The following CDH12 variants were observed in gnomAD, a reference collection of about 807,000 sequenced individuals.
CDH12 encodes the protein cadherin-12.
In CDH12, 41 loss-of-function variants were observed where a neutral mutation model predicts 74.1. That is an observed-to-expected ratio of 0.55 (90% confidence interval 0.43 to 0.72). The LOEUF is 0.72. Ranked by LOEUF, CDH12 falls within the 30% of genes least tolerant of loss-of-function variation. The pLI is 0.00. For missense variants in CDH12, 945 were observed against 977.2 expected, an observed-to-expected ratio of 0.97 and a Z score of 0.44; for synonymous variants, 399 against 355.0, an observed-to-expected ratio of 1.12 and a Z score of -1.39.
Position 22,502,316 on chromosome 5 carries a change from G to GT in CDH12, c.-428+2953dup, listed in dbSNP as rs1487945439. Among the ~76,000 whole-genome samples the GT allele has an allele frequency of 2.6e-5, 4 of 152,140 alleles. No individual in the cohort carries two copies. In the East Asian group the frequency reaches 7.7e-4, roughly 29 times the overall value. ...AATATACTCTCTTGCCTGCTGCCATGTAAGATGTGCCTTTGCTCCTCCTTT... is the reference window on the plus strand; with the variant it reads ...AATATACTCTCTTGCCTGCTGCCATGTTAAGATGTGCCTTTGCTCCTCCTTT... On this transcript the variant is annotated intron_variant, in intron 2 of 14. Transcript: ENST00000382254.
intron 10 of CDH12, among the ~76,000 whole-genome samples, chr5:21,786,744 G>C (rs1382753422): frequency 6.6e-6 from 1 of 152,164 alleles, no homozygotes; most frequent in Non-Finnish European, 1.5e-5. Context: ...AAAGTAAATT[G>C]AAAACCTTAT....
rs115147543 is a variant in CDH12, at chr5:22,778,591, G to A, written c.-523+74467C>T. On this transcript the variant is annotated intron_variant, in intron 1 of 14. Transcript: ENST00000382254. Reference sequence around the variant, plus strand: ...ATATAATGTGTTTGGCATCAATAAAGCAAAACATATTCCTAAGTGACAGTA... The same window carrying A: ...ATATAATGTGTTTGGCATCAATAAAACAAAACATATTCCTAAGTGACAGTA... Among the ~76,000 whole-genome samples, 1,336 of 152,166 alleles carry A rather than the reference G, an allele frequency of 8.8e-3. 23 individuals are homozygous for A. Among genetic ancestry groups the A allele is most frequent in the African/African-American group, 0.031 (1,275 of 41,528 alleles).
chr5:22,028,284 T>G (rs1406139820), intron 5 of CDH12, among the ~76,000 whole-genome samples: 1 of 152,012 alleles, frequency 6.6e-6, no homozygotes, highest in African/African-American at 2.4e-5. Flanking sequence ...GAGAAGGAAA[T>G]AAAGGGTATT....
intron 10 of CDH12, among the ~76,000 whole-genome samples, chr5:21,799,007 T>G (rs558086956): frequency 9.9e-5 from 15 of 152,234 alleles, no homozygotes; most frequent in African/African-American, 2.9e-4. Context: ...GATATTCTGT[T>G]AAAGGTTCAG....
At chr5:21,811,072 C>T (rs1465529199) in intron 9 of CDH12, among the ~76,000 whole-genome samples, 5 of 151,986 alleles carry the variant, frequency 3.3e-5, no homozygotes, top group Admixed American at 6.6e-5. Context: ...TTATCTCATA[C>T]GTTTTTAAGG....
At chr5:22,745,588 TA>T (rs1217195503) in intron 1 of CDH12, among the ~76,000 whole-genome samples, 1 of 152,036 alleles carries the variant, frequency 6.6e-6, no homozygotes, top group African/African-American at 2.4e-5. Flanking sequence ...CATGCAGCCA[TA>T]AAAAAGAATG....
chr5:22,798,654 T>C (rs183745739), intron 1 of CDH12, among the ~76,000 whole-genome samples: 76 of 152,230 alleles, frequency 5.0e-4, no homozygotes, highest in Admixed American at 9.2e-4. Context: ...TATAATCTAA[T>C]GAAAGATATA....
chr5:21,751,857 G>C lies in CDH12; in HGVS notation c.2265C>G (p.Asp755Glu), dbSNP rs761207356. 6.2e-7 allele frequency: 1 copy of C among 1,614,054 alleles called. No individual in the cohort carries two copies. The highest frequency in any genetic ancestry group is 1.1e-5 in the South Asian group (1 of 91,076). ...GSVAESLSSI[D>E]SLTTEADQDY... ...CCTGGTCGGCTTCTGTGGTGAGAGA[G>C]TCTATAGAGCTGAGGGACTCTGCCA... is the stretch of plus-strand genomic sequence containing the variant. Residue 755 changes from aspartate to glutamate, a missense_variant, in exon 15 of 15, where the codon GAC (aspartate) becomes GAG (glutamate). Transcript: ENST00000382254.
rs11420428 is a variant in CDH12 at position 22,593,036 on chromosome 5, G to GAA, written c.-522-87674_-522-87673dup. 5.4e-3 allele frequency among the ~76,000 whole-genome samples: 592 copies of GAA among 110,460 alleles called. 7 individuals carry two copies. The highest frequency in any genetic ancestry group is 0.013 in the African/African-American group (399 of 29,590). 72.5% of individuals were successfully genotyped at this position (110,460 alleles called of 152,430 possible). A position where few individuals can be genotyped will look rare whatever the true frequency, so the allele number is the denominator to read the frequency against. ...CAGAGAGAGACTCCATCTCAAAAAA[G>GAA]AAAAAAAAAAAAAAAAGGAAAAGGA... On this transcript the variant is annotated intron_variant, in intron 1 of 14. Transcript: ENST00000382254.
chr5:22,388,327 C>A (rs925894755), intron 3 of CDH12, among the ~76,000 whole-genome samples: 4 of 151,758 alleles, frequency 2.6e-5, no homozygotes, highest in African/African-American at 9.7e-5. Context: ...AAATTAAATT[C>A]TATTAATGTA....
intron 1 of CDH12, among the ~76,000 whole-genome samples, chr5:22,781,878 T>C (rs1397764770): frequency 6.6e-6 from 1 of 152,160 alleles, no homozygotes; most frequent in Admixed American, 6.5e-5. Context: ...CCTCTTTCAA[T>C]AGTGTGTCCT....
At chr5:22,414,512 G>T (rs1029984273) in intron 2 of CDH12, among the ~76,000 whole-genome samples, 1 of 151,906 alleles carries the variant, frequency 6.6e-6, no homozygotes, top group Non-Finnish European at 1.5e-5. Flanking sequence ...CAAAAGCAAA[G>T]AGGTATTGGT....
intron 4 of CDH12, among the ~76,000 whole-genome samples, chr5:22,145,676 C>T (rs1336804139): frequency 6.6e-6 from 1 of 152,062 alleles, no homozygotes; most frequent in Non-Finnish European, 1.5e-5. Flanking sequence ...AACAAGAGAA[C>T]ATTCAGTTAA....
intron 4 of CDH12, among the ~76,000 whole-genome samples, chr5:22,198,934 A>AT (rs1331493988): frequency 3.3e-5 from 5 of 151,828 alleles, no homozygotes; most frequent in Admixed American, 2.6e-4. Flanking sequence ...AATTCGGCCT[A>AT]TTTTTTGTAC....
At chr5:22,269,600 T>C (rs549637326) in intron 3 of CDH12, among the ~76,000 whole-genome samples, 2 of 152,164 alleles carry the variant, frequency 1.3e-5, no homozygotes, top group South Asian at 2.1e-4. Flanking sequence ...ATGAACAACA[T>C]AATGGAAGCA....
rs554400322 is a variant in CDH12 at position 22,766,354 on chromosome 5, A to G, written c.-523+86704T>C. Among the ~76,000 whole-genome samples, 290 of 152,234 alleles carry G rather than the reference A, an allele frequency of 1.9e-3. 1 individual carries two copies. Among genetic ancestry groups the G allele is most frequent in the African/African-American group, 6.5e-3 (269 of 41,568 alleles). On this transcript the variant is annotated intron_variant, in intron 1 of 14. Coordinates refer to ENST00000382254, the MANE Select transcript of CDH12 (RefSeq NM_004061.5). ...AGAGTTAGAAAAAAATTAAATTAAC[A>G]ATAGAATGGATAAATAAGTACCTCA...
At chr5:21,815,026 T>A (rs1175632850) in intron 9 of CDH12, among the ~76,000 whole-genome samples, 3 of 151,954 alleles carry the variant, frequency 2.0e-5, no homozygotes, top group Non-Finnish European at 4.4e-5. Context: ...TTTAATAGAG[T>A]GGGATCATGT....
intron 6 of CDH12, among the ~76,000 whole-genome samples, chr5:21,909,721 G>A (rs1381259617): frequency 6.6e-6 from 1 of 152,000 alleles, no homozygotes; most frequent in Admixed American, 6.6e-5. Context: ...ACAATTTTAG[G>A]TTCGCCTCCT....
chr5:22,443,159 G>A (rs568961859), intron 2 of CDH12, among the ~76,000 whole-genome samples: 2 of 152,246 alleles, frequency 1.3e-5, no homozygotes, highest in South Asian at 4.1e-4. Context: ...CTCAATCAAA[G>A]TAAGAGTCTA....
Sources: allele counts gnomAD v4.1 joint callset (sites outside exome capture counted in the v4.1 genomes callset), GRCh38; gene constraint gnomAD v4.1.1; transcripts MANE v1.5; gene names NCBI Gene and HGNC (gene_info 2026-07-23, HGNC 2026-07-21).